The following PTN variants were observed in gnomAD, a reference collection of about 807,000 sequenced individuals.
PTN encodes the protein heparin affin regulatory protein.
Under a neutral mutation model 24.1 loss-of-function variants are expected in PTN, and 18 were observed. That is an observed-to-expected ratio of 0.75 (90% confidence interval 0.52 to 1.11). The LOEUF (loss-of-function observed/expected upper bound fraction) is 1.11, where lower values mean the gene tolerates loss of function less well. Ranked by LOEUF, PTN falls within the 50% of genes least tolerant of loss-of-function variation. The pLI, the probability that PTN is intolerant of heterozygous loss-of-function variation, is 0.00. For missense variants in PTN, 163 were observed against 198.8 expected (o/e 0.82, Z 1.08); for synonymous variants, 78 against 68.6 (o/e 1.14, Z -0.67).
At chr7:137,297,301 C>T (rs1344705082) in intron 1 of PTN, among the ~76,000 whole-genome samples, 3 of 152,154 alleles carry the variant, frequency 2.0e-5, no homozygotes, top group Admixed American at 6.5e-5. Flanking sequence ...GTGGAGGTGG[C>T]GAAGCCACTG....
intron 1 of PTN, among the ~76,000 whole-genome samples, chr7:137,330,900 C>A (rs1442824749): frequency 1.3e-5 from 2 of 152,142 alleles, no homozygotes; most frequent in African/African-American, 2.4e-5. Context: ...TACACCATGA[C>A]AGCCAGATGG....
intron 4 of PTN, among the ~76,000 whole-genome samples, chr7:137,234,038 AC>A (rs754607908): frequency 8.6e-5 from 13 of 151,696 alleles, no homozygotes; most frequent in Non-Finnish European, 1.3e-4. Flanking sequence ...CAATGTAGAA[AC>A]AACACTTTTA....
chr7:137,298,185 C>T (rs1161412542), intron 1 of PTN, among the ~76,000 whole-genome samples: 1 of 152,000 alleles, frequency 6.6e-6, no homozygotes, highest in Non-Finnish European at 1.5e-5. Flanking sequence ...GAATTTTTGA[C>T]AGTCCTGAGG....
chr7:137,287,566 TA>T lies in PTN; in HGVS notation c.-1-32593del, dbSNP rs1449558541. 2.6e-5 allele frequency: 4 copies of T among 152,128 alleles called. No individual in the cohort carries two copies. The East Asian group carries it at 7.7e-4, about 29-fold the overall frequency. 9.4% of individuals were successfully genotyped at this position (152,128 alleles called of 1,614,324 possible). On this transcript the variant is annotated intron_variant, in intron 1 of 4. Transcript: ENST00000348225. ...TTATATACAAGATTCTGTGGACATA[TA>T]AAATATACTATATGACCCTCATCCA...
At chr7:137,275,510 T>C (rs1809346273) in intron 1 of PTN, among the ~76,000 whole-genome samples, 1 of 152,166 alleles carries the variant, frequency 6.6e-6, no homozygotes, top group South Asian at 2.1e-4. Flanking sequence ...ATTCAGCCAA[T>C]AAGATTATAT....
intron 1 of PTN, chr7:137,325,767 G>C (rs1810249051): frequency 6.6e-6 from 1 of 152,190 alleles, no homozygotes; most frequent in African/African-American, 2.4e-5. Flanking sequence ...AAAACAAGCA[G>C]TTTCAAGAAA....
chr7:137,286,443 T>C (rs2128876713), intron 1 of PTN, among the ~76,000 whole-genome samples: 1 of 152,322 alleles, frequency 6.6e-6, no homozygotes, highest in Non-Finnish European at 1.5e-5. Flanking sequence ...GCAAGGGATC[T>C]TTCTTATGAT....
At chr7:137,297,941 C>T (rs322259) in intron 1 of PTN, among the ~76,000 whole-genome samples, 147,674 of 152,090 alleles carry the variant, frequency 0.97, 71,852 homozygotes, top group East Asian at 1. Context: ...TGTCGTTTAC[C>T]GTCTGCACTC....
intron 1 of PTN, among the ~76,000 whole-genome samples, chr7:137,308,658 G>T (rs913413574): frequency 1.3e-5 from 2 of 152,116 alleles, no homozygotes; most frequent in African/African-American, 4.8e-5. Context: ...TGAGGATTAA[G>T]CCTTTATGGC....
chr7:137,320,251 T>C (rs1436208709), intron 1 of PTN, among the ~76,000 whole-genome samples: 1 of 152,244 alleles, frequency 6.6e-6, no homozygotes, highest in African/African-American at 2.4e-5. Context: ...GCACTGTCTC[T>C]TCCCAATGCT....
chr7:137,251,486 G>T, intron 3 of PTN, 95 bp from the exon 4 acceptor site: 1 of 1,362,134 alleles, frequency 7.3e-7, no homozygotes. Context: ...CTTTTTTATT[G>T]AAATAATTAT....
intron 1 of PTN, among the ~76,000 whole-genome samples, chr7:137,268,980 T>A (rs968606036): frequency 1.3e-5 from 2 of 152,200 alleles, no homozygotes; most frequent in Non-Finnish European, 2.9e-5. Flanking sequence ...GTTACAAAGA[T>A]TTTTGTTGTT....
intron 1 of PTN, among the ~76,000 whole-genome samples, chr7:137,255,960 T>C (rs1467412891): frequency 6.6e-6 from 1 of 152,208 alleles, no homozygotes; most frequent in African/African-American, 2.4e-5. Flanking sequence ...CCTATGATCA[T>C]AGGCTGATAA....
intron 4 of PTN, among the ~76,000 whole-genome samples, chr7:137,250,892 T>C (rs56280054): frequency 0.11 from 17,422 of 152,270 alleles, 1,346 homozygotes; most frequent in East Asian, 0.31. Flanking sequence ...ATAAACATTC[T>C]GAGTTTGTTT....
intron 1 of PTN, among the ~76,000 whole-genome samples, chr7:137,321,032 T>C (rs999804298): frequency 1.3e-5 from 2 of 152,196 alleles, no homozygotes; most frequent in Non-Finnish European, 2.9e-5. Flanking sequence ...GTACTTTGTG[T>C]CCACAGGTGT....
chr7:137,247,072 A>C (rs1359082268), intron 4 of PTN, among the ~76,000 whole-genome samples: 1 of 152,240 alleles, frequency 6.6e-6, no homozygotes, highest in African/African-American at 2.4e-5. Flanking sequence ...AATTAACATA[A>C]GAAAAAATGT....
rs188191914 is a variant in PTN at position 137,282,271 on chromosome 7, T to G, written c.-1-27297A>C. 3.8e-3 allele frequency among the ~76,000 whole-genome samples: 583 copies of G among 152,372 alleles called. 2 individuals carry two copies. The highest frequency in any genetic ancestry group is 0.013 in the African/African-American group (559 of 41,598). On this transcript the variant is annotated intron_variant, in intron 1 of 4. Coordinates refer to ENST00000348225, the MANE Select transcript of PTN (RefSeq NM_002825.7). ...TGTATTCTTACAAAAGTATGAGCTA[T>G]GTAAGACCTCAACAGAATGAACTGC...
intron 1 of PTN, among the ~76,000 whole-genome samples, chr7:137,285,859 T>G (rs1267495073): frequency 1.3e-5 from 2 of 152,180 alleles, no homozygotes; most frequent in African/African-American, 4.8e-5. Context: ...AATAAGTGAG[T>G]AAATTTTAAA....
intron 1 of PTN, among the ~76,000 whole-genome samples, chr7:137,289,732 C>T (rs1585031200): frequency 6.6e-6 from 1 of 152,120 alleles, no homozygotes; most frequent in Admixed American, 6.5e-5. Flanking sequence ...GCAACTGCAA[C>T]AAACTAAATA....
Sources: gnomAD v4.1 joint callset for allele counts (sites outside exome capture counted in the v4.1 genomes callset) on GRCh38, gnomAD v4.1.1 for gene constraint, MANE v1.5 for transcripts, NCBI Gene and HGNC (gene_info 2026-07-23, HGNC 2026-07-21) for gene names.